The following ZEB2 variants were observed in gnomAD, a reference collection of about 807,000 sequenced individuals.
ZEB2 encodes the protein zinc finger E-box binding homeobox 2.
In ZEB2, 6 loss-of-function variants were observed where a neutral mutation model predicts 99.9. The observed-to-expected ratio is 0.06, with a 90% CI of 0.03 to 0.12. The LOEUF (loss-of-function observed/expected upper bound fraction) is 0.12, where lower values mean the gene tolerates loss of function less well. ZEB2 is among the 10% of genes least tolerant of loss of function. ZEB2 has a pLI of 1.00. For synonymous variants in ZEB2, 517 were observed against 542.5 expected, an observed-to-expected ratio of 0.95 and a Z score of 0.65; for missense variants, 969 against 1,502.8, an observed-to-expected ratio of 0.64 and a Z score of 5.87.
chr2:144,386,833 A>G lies in ZEB2; in HGVS notation c.*2618T>C, dbSNP rs1479427062. The G allele has an allele frequency of 6.6e-6, 1 of 152,086 alleles. No homozygotes were observed. Among genetic ancestry groups the G allele is most frequent in the African/African-American group, 2.4e-5 (1 of 41,406 alleles). 9.4% of individuals were successfully genotyped at this position (152,086 alleles called of 1,614,324 possible). ...TATTTGTGCCATTCAAAGAAGGAGAAACGAGGATAGAATTTTCTAAACTTT... is the reference window on the plus strand; with the variant it reads ...TATTTGTGCCATTCAAAGAAGGAGAGACGAGGATAGAATTTTCTAAACTTT... On this transcript the variant is annotated 3_prime_UTR_variant, in exon 10 of 10. Coordinates refer to ENST00000627532, the MANE Select transcript of ZEB2 (RefSeq NM_014795.4).
At position 144,517,369 on chromosome 2, in the gene ZEB2, T is replaced by C. The variant is rs1705173921; in HGVS notation, c.-19A>G. The stretch of plus-strand genomic sequence containing the variant: ...GCTTCATTGATAAGAGCGGATCAGA[T>C]GGCAGTTCGCATGGACTCGGCGCCC... On this transcript the variant is annotated 5_prime_UTR_variant, in exon 2 of 10. Coordinates refer to ENST00000627532, the MANE Select transcript of ZEB2 (RefSeq NM_014795.4). 6 of 1,613,616 alleles carry C rather than the reference T, an allele frequency of 3.7e-6. No individual in the cohort carries two copies. Among genetic ancestry groups the C allele is most frequent in the Non-Finnish European group, 5.1e-6 (6 of 1,179,814 alleles).
At position 144,387,680 on chromosome 2, in the gene ZEB2, C is replaced by T. The variant is rs1703103782; in HGVS notation, c.*1771G>A. 6.6e-6 allele frequency: 1 copy of T among 151,876 alleles called. No homozygotes were observed. The highest frequency in any genetic ancestry group is 6.6e-5 in the Admixed American group (1 of 15,238). The allele number at this position is 151,876 out of a possible 1,614,324, so 9.4% of individuals were successfully genotyped here. A position where few individuals can be genotyped will look rare whatever the true frequency, so the allele number is the denominator to read the frequency against. On this transcript the variant is annotated 3_prime_UTR_variant, in exon 10 of 10. Coordinates refer to ENST00000627532, the MANE Select transcript of ZEB2 (RefSeq NM_014795.4). Reference sequence around the variant, plus strand: ...TTTTTTTTGAATAAATCACAAAGACCCCTTGGACAGAGAAGTGAATTTTTA... The same window carrying T: ...TTTTTTTTGAATAAATCACAAAGACTCCTTGGACAGAGAAGTGAATTTTTA...
Position 144,399,005 on chromosome 2 carries a change from A to G in ZEB2, c.2182T>C (p.Leu728=). Residue 728 remains leucine (L), a synonymous_variant, in exon 8 of 10, where the codon TTA becomes CTA. Coordinates refer to ENST00000627532, the MANE Select transcript of ZEB2 (RefSeq NM_014795.4). The surrounding 1 kb of genome is among the most constrained non-coding windows in gnomAD (Gnocchi z 5.6). ...NSNPPTKDSL[L]PRSPVKPMDS... is the part of the protein sequence containing the mutation. ...ATAGGTTTTACAGGAGACCTGGGTA[A>G]TAAAGAGTCTTTTGTGGGAGGGTTA... 6.2e-7 allele frequency: 1 copy of G among 1,614,174 alleles called. No homozygotes were observed. Among genetic ancestry groups the G allele is most frequent in the Non-Finnish European group, 8.5e-7 (1 of 1,180,006 alleles).
chr2:144,464,210 T>C (rs1047260439), intron 2 of ZEB2: 2 of 152,180 alleles, frequency 1.3e-5, no homozygotes, highest in Admixed American at 6.5e-5. Context: ...CTTGTTGGTA[T>C]TCCTTGGCGT....
chr2:144,443,753 A>G lies in ZEB2; in HGVS notation c.74-13727T>C, dbSNP rs1270525758. Among the ~76,000 whole-genome samples, 5 of 152,264 alleles carry G rather than the reference A, an allele frequency of 3.3e-5. No individual in the cohort carries two copies. The East Asian group carries it at 9.6e-4, about 29-fold the overall frequency. On this transcript the variant is annotated intron_variant, in intron 2 of 9. Coordinates refer to ENST00000627532, the MANE Select transcript of ZEB2 (RefSeq NM_014795.4). Reference sequence around the variant, plus strand: ...AGATTCCTTTCACTTTTCGCTCCCCACCAAAACTGTCAGGCTGCCTGAGAT... The same window carrying G: ...AGATTCCTTTCACTTTTCGCTCCCCGCCAAAACTGTCAGGCTGCCTGAGAT...
At chr2:144,431,228 T>G (rs1703765882) in intron 2 of ZEB2, among the ~76,000 whole-genome samples, 1 of 152,166 alleles carries the variant, frequency 6.6e-6, no homozygotes, top group Non-Finnish European at 1.5e-5. Flanking sequence ...AGCTATCGGA[T>G]TATACAAAAG....
At chr2:144,468,978 A>C (rs1006997072) in intron 2 of ZEB2, among the ~76,000 whole-genome samples, 1 of 152,088 alleles carries the variant, frequency 6.6e-6, no homozygotes, top group African/African-American at 2.4e-5. Flanking sequence ...GTCACTCAAC[A>C]AACATTTCTT....
At chr2:144,471,654 G>A (rs965071973) in intron 2 of ZEB2, among the ~76,000 whole-genome samples, 4 of 152,016 alleles carry the variant, frequency 2.6e-5, no homozygotes, top group Non-Finnish European at 4.4e-5. Flanking sequence ...TAGTGAGGTA[G>A]CCCAGTGGAC....
intron 2 of ZEB2, among the ~76,000 whole-genome samples, chr2:144,484,210 T>TGTGTGTGTGTGTGTGTGTGA (rs1182888237): frequency 6.6e-6 from 1 of 152,058 alleles, no homozygotes; most frequent in East Asian, 1.9e-4. Flanking sequence ...TGTGTGTGTG[T>TGTGTGTGTGTGTGTGTGTGA]GTGAAATAGC....
In ZEB2 at chr2:144,400,051, A is replaced by C. The variant is rs371346988; in HGVS notation, c.1136T>G (p.Leu379Arg). The change falls in exon 8 of 10, where the codon CTT (leucine) becomes CGT (arginine). Residue 379 changes from leucine to arginine, a missense_variant. Transcript: ENST00000627532. ...LRNKLENGKPLSMSEQTGLLK... is the reference protein window; with the variant it reads ...LRNKLENGKPRSMSEQTGLLK... ...TAAGCCTGTCTGTTCAGACATACTAAGTGGTTTTCCATTCTCCAACTTGTT... is the reference window on the plus strand; with the variant it reads ...TAAGCCTGTCTGTTCAGACATACTACGTGGTTTTCCATTCTCCAACTTGTT... 1 of 1,613,840 alleles carries C rather than the reference A, an allele frequency of 6.2e-7. No homozygotes were observed. Among genetic ancestry groups the C allele is most frequent in the Non-Finnish European group, 8.5e-7 (1 of 1,179,706 alleles).
At chr2:144,444,657 G>A (rs1357096434) in intron 2 of ZEB2, among the ~76,000 whole-genome samples, 1 of 152,196 alleles carries the variant, frequency 6.6e-6, no homozygotes, top group Non-Finnish European at 1.5e-5. Context: ...CTCTGTGCCT[G>A]TATCCTTGTC....
At chr2:144,397,592 G>C (rs1337213253) in intron 8 of ZEB2, among the ~76,000 whole-genome samples, 1 of 152,146 alleles carries the variant, frequency 6.6e-6, no homozygotes, top group African/African-American at 2.4e-5. Context: ...TAAAACAAAT[G>C]TACCTATTAA....
chr2:144,405,610 TAA>T (rs34653274), intron 4 of ZEB2, among the ~76,000 whole-genome samples: 6 of 143,110 alleles, frequency 4.2e-5, no homozygotes, highest in African/African-American at 7.7e-5. Flanking sequence ...GCAACTTTGT[TAA>T]AAAAAAAAAA....
At chr2:144,408,549 C>T (rs1294187488) in intron 4 of ZEB2, among the ~76,000 whole-genome samples, 1 of 152,216 alleles carries the variant, frequency 6.6e-6, no homozygotes, top group African/African-American at 2.4e-5. Context: ...ATATATCTCA[C>T]ATACCTAGGG....
At chr2:144,460,300 T>C (rs575597780) in intron 2 of ZEB2, among the ~76,000 whole-genome samples, 4 of 152,270 alleles carry the variant, frequency 2.6e-5, no homozygotes, top group Non-Finnish European at 4.4e-5. Flanking sequence ...AGGTATACAA[T>C]GTGAAGTGAG....
intron 3 of ZEB2, chr2:144,427,266 T>C (rs189357327): frequency 5.3e-5 from 8 of 152,334 alleles, no homozygotes; most frequent in Admixed American, 2.0e-4. Flanking sequence ...GTCCACCCCA[T>C]TGTGGGACGA....
chr2:144,437,110 T>C (rs991011891), intron 2 of ZEB2, among the ~76,000 whole-genome samples: 2 of 152,080 alleles, frequency 1.3e-5, no homozygotes, highest in African/African-American at 4.8e-5. Context: ...ATTTAGTGAG[T>C]TTTTGTAGTT....
rs185847802 is a variant in ZEB2 at position 144,458,374 on chromosome 2, G to C, written c.74-28348C>G. Among the ~76,000 whole-genome samples, 1,236 of 152,138 alleles carry C rather than the reference G, an allele frequency of 8.1e-3. 2 individuals carry two copies. Among genetic ancestry groups the C allele is most frequent in the Non-Finnish European group, 0.012 (835 of 67,982 alleles). On this transcript the variant is annotated intron_variant, in intron 2 of 9. Coordinates refer to ENST00000627532, the MANE Select transcript of ZEB2 (RefSeq NM_014795.4). ...CCCCCAGTCTTTAGGTTGGCACTAGGGAAAGACCTATAACAAGTTGCCTGA... is the reference window on the plus strand; with the variant it reads ...CCCCCAGTCTTTAGGTTGGCACTAGCGAAAGACCTATAACAAGTTGCCTGA...
At position 144,387,058 on chromosome 2, in the gene ZEB2, T is replaced by TATATACACACACAC. The variant is rs1344018343; in HGVS notation, c.*2379_*2392dup. 6.7e-6 allele frequency: 1 copy of TATATACACACACAC among 148,434 alleles called. No homozygotes were observed. Among genetic ancestry groups the TATATACACACACAC allele is most frequent in the Admixed American group, 6.7e-5 (1 of 14,836 alleles). The allele number at this position is 148,434 out of a possible 1,614,324, so 9.2% of individuals were successfully genotyped here. A position where few individuals can be genotyped will look rare whatever the true frequency, so the allele number is the denominator to read the frequency against. ...ATGTGTGTGTGTGTATATATATATA[T>TATATACACACACAC]ATATACACACACACACATACACACT... On this transcript the variant is annotated 3_prime_UTR_variant, in exon 10 of 10. Transcript: ENST00000627532.
Sources: gnomAD v4.1 joint callset for allele counts (sites outside exome capture counted in the v4.1 genomes callset) on GRCh38, gnomAD v4.1.1 for gene constraint, Gnocchi (gnomAD v3.1) non-coding constraint, MANE v1.5 for transcripts, NCBI Gene and HGNC (gene_info 2026-07-23, HGNC 2026-07-21) for gene names.